The following SNX25 variants were observed in gnomAD, a reference collection of about 807,000 sequenced individuals.
The protein encoded by SNX25 is sorting nexin-25.
Under a neutral mutation model 113.7 loss-of-function variants are expected in SNX25, and 62 were observed. That is an observed-to-expected ratio of 0.55 (90% CI 0.44 to 0.67). The LOEUF is 0.67. SNX25 is among the 30% of genes least tolerant of loss of function. The pLI, the probability that SNX25 is intolerant of heterozygous loss-of-function variation, is 0.00. For missense variants in SNX25, 1,014 were observed against 1,161.0 expected (o/e 0.87, Z 1.84); for synonymous variants, 421 against 436.2 (o/e 0.97, Z 0.43).
intron 1 of SNX25, among the ~76,000 whole-genome samples, chr4:185,216,820 C>T (rs1738933492): frequency 6.6e-6 from 1 of 151,706 alleles, no homozygotes; most frequent in Non-Finnish European, 1.5e-5. Context: ...CTCGCCCGGC[C>T]GACAAAAGTG....
intron 16 of SNX25, among the ~76,000 whole-genome samples, chr4:185,358,811 T>TA (rs2095350032): frequency 2.0e-5 from 3 of 152,128 alleles, no homozygotes; most frequent in African/African-American, 7.2e-5. Context: ...GTCTAGAAAT[T>TA]TAAAAAAAAA....
At chr4:185,287,069 G>A (rs1173950195) in intron 5 of SNX25, among the ~76,000 whole-genome samples, 1 of 152,094 alleles carries the variant, frequency 6.6e-6, no homozygotes, top group Non-Finnish European at 1.5e-5. Flanking sequence ...ATAATTAAGG[G>A]CTAAGAAACA....
At chr4:185,274,861 G>C (rs992123070) in intron 5 of SNX25, among the ~76,000 whole-genome samples, 1 of 152,128 alleles carries the variant, frequency 6.6e-6, no homozygotes, top group African/African-American at 2.4e-5. Flanking sequence ...GGATCCCATA[G>C]ATAATAAACA....
chr4:185,205,743 C>T (rs1347614327), upstream of SNX25, among the ~76,000 whole-genome samples: 3 of 152,190 alleles, frequency 2.0e-5, no homozygotes, highest in Admixed American at 6.5e-5. Flanking sequence ...GCAGAAGAAT[C>T]GCTTGAACCC....
chr4:185,236,264 C>T (rs1363695721), intron 1 of SNX25, among the ~76,000 whole-genome samples: 1 of 152,102 alleles, frequency 6.6e-6, no homozygotes. Flanking sequence ...TTCCCACCAC[C>T]CTGACCAATC....
intron 1 of SNX25, among the ~76,000 whole-genome samples, chr4:185,224,058 A>G (rs1291248414): frequency 2.6e-5 from 4 of 151,952 alleles, no homozygotes. Flanking sequence ...TTTTTAAAAA[A>G]TATTATTATG....
At chr4:185,276,716 C>G (rs1749741871) in intron 5 of SNX25, among the ~76,000 whole-genome samples, 1 of 152,206 alleles carries the variant, frequency 6.6e-6, no homozygotes, top group Non-Finnish European at 1.5e-5. Flanking sequence ...ATTAAACCAT[C>G]TTTCCCATCT....
downstream of SNX25, chr4:185,366,216 A>C (rs150014613): frequency 6.6e-6 from 1 of 152,224 alleles, no homozygotes; most frequent in African/African-American, 2.4e-5. Flanking sequence ...TTGCCTTCAT[A>C]GATGTCATCT....
In SNX25 at chr4:185,217,755, G is replaced by C. The variant is rs534580932; in HGVS notation, c.429+7500G>C. On this transcript the variant is annotated intron_variant, in intron 1 of 18. Transcript: ENST00000652585. Reference sequence around the variant, plus strand: ...CTTTATAGTCAGAATGGTACACGTGGTTGTGCTAAAAAGGTGACGCAGCAA... The same window carrying C: ...CTTTATAGTCAGAATGGTACACGTGCTTGTGCTAAAAAGGTGACGCAGCAA... Among the ~76,000 whole-genome samples the C allele has an allele frequency of 9.9e-5, 15 of 152,282 alleles. No individual in the cohort carries two copies. The South Asian group carries it at 2.9e-3, about 29-fold the overall frequency.
At position 185,209,655 on chromosome 4, in the gene SNX25, G is replaced by A. The variant is rs1159126035; in HGVS notation, c.-172G>A. Among the ~76,000 whole-genome samples, 1 of 151,520 alleles carries A rather than the reference G, an allele frequency of 6.6e-6. No homozygotes were observed. Among genetic ancestry groups the A allele is most frequent in the Admixed American group, 6.6e-5 (1 of 15,200 alleles). ...CCGGCCCGGCAGCTACGGGCCCAGC[G>A]CCTGGTGGCGGCGCTGAGGGGTCGC... On this transcript the variant is annotated 5_prime_UTR_variant, in exon 1 of 19. Coordinates refer to ENST00000652585, the MANE Select transcript of SNX25 (RefSeq NM_001378034.2). This position sits in a 1 kb window ranked among gnomAD's most constrained non-coding sequence, Gnocchi z 5.2.
chr4:185,346,766 C>A lies in SNX25; in HGVS notation c.2301+116C>A. 5 of 616,476 alleles carry A rather than the reference C, an allele frequency of 8.1e-6. No homozygotes were observed. In the South Asian group the frequency reaches 9.9e-5, roughly 12 times the overall value. The allele number at this position is 616,476 out of a possible 1,614,324, so 38.2% of individuals were successfully genotyped here. A position where few individuals can be genotyped will look rare whatever the true frequency, so the allele number is the denominator to read the frequency against. On this transcript the variant is annotated intron_variant, in intron 13 of 18. Coordinates refer to ENST00000652585, the MANE Select transcript of SNX25 (RefSeq NM_001378034.2). Reference sequence around the variant, plus strand: ...TTGTTCTCACAAGCCATGCTAGATGCTAAAAAAATATCTTGGGTGTTTTTT... The same window carrying A: ...TTGTTCTCACAAGCCATGCTAGATGATAAAAAAATATCTTGGGTGTTTTTT...
At chr4:185,321,372 C>T (rs999012439) in intron 8 of SNX25, among the ~76,000 whole-genome samples, 3 of 151,386 alleles carry the variant, frequency 2.0e-5, no homozygotes, top group African/African-American at 7.3e-5. Flanking sequence ...AAGCGGTTCT[C>T]CTCCCTCACA....
intron 7 of SNX25, among the ~76,000 whole-genome samples, 189 bp downstream of exon 7, chr4:185,311,005 G>A (rs1056833035): frequency 6.6e-6 from 1 of 152,090 alleles, no homozygotes; most frequent in Admixed American, 6.5e-5. Flanking sequence ...GGTGGTAATA[G>A]GTATAGATAG....
At chr4:185,276,590 C>A (rs1314926827) in intron 5 of SNX25, among the ~76,000 whole-genome samples, 1 of 152,204 alleles carries the variant, frequency 6.6e-6, no homozygotes, top group Non-Finnish European at 1.5e-5. Context: ...TCATGGCACA[C>A]TTGGGAGGCT....
chr4:185,275,026 TG>T (rs1749461350), intron 5 of SNX25, among the ~76,000 whole-genome samples: 1 of 152,202 alleles, frequency 6.6e-6, no homozygotes, highest in Non-Finnish European at 1.5e-5. Context: ...TTACTGTTTG[TG>T]AGTCTCGGCT....
the SNX25 span, chr4:185,375,512 A>ATATG: frequency 1.2e-5 from 1 of 86,204 alleles, no homozygotes; most frequent in East Asian, 3.4e-4. Context: ...ATATATATAT[A>ATATG]TATGTATATA....
chr4:185,356,146 CGT>C lies in SNX25; in HGVS notation c.2585-1510_2585-1509del, dbSNP rs201205930. 6.5e-3 allele frequency among the ~76,000 whole-genome samples: 975 copies of C among 150,146 alleles called. 14 individuals carry two copies. Among genetic ancestry groups the C allele is most frequent in the South Asian group, 0.051 (240 of 4,734 alleles). On this transcript the variant is annotated intron_variant, in intron 15 of 18. Transcript: ENST00000652585. ...CAAGCCTTTGGAGTAATGGGGCTCG[CGT>C]GTGTGTGTGTGTGTATCGGGGGGTT...
the SNX25 span, chr4:185,378,174 T>C: frequency 5.0e-6 from 8 of 1,613,888 alleles, no homozygotes; most frequent in African/African-American, 4.0e-5. Flanking sequence ...AACTTTTCAC[T>C]GGTCAACTTC....
At chr4:185,265,566 CTG>C (rs3046514) in intron 4 of SNX25, among the ~76,000 whole-genome samples, 62,660 of 151,856 alleles carry the variant, frequency 0.41, 13,117 homozygotes, top group East Asian at 0.56. Flanking sequence ...TAGGACATGA[CTG>C]TGCACCACTG....
Sources: gnomAD v4.1 joint callset for allele counts (sites outside exome capture counted in the v4.1 genomes callset) on GRCh38, gnomAD v4.1.1 for gene constraint, Gnocchi (gnomAD v3.1) non-coding constraint, MANE v1.5 for transcripts, NCBI Gene and HGNC (gene_info 2026-07-23, HGNC 2026-07-21) for gene names.